PKN2: variants seen among roughly 807,000 people sequenced by gnomAD.
PKN2 encodes serine/threonine-protein kinase N2.
A neutral mutation model predicts 119.1 loss-of-function variants in PKN2; 38 were observed. The observed-to-expected ratio is 0.32, with a 90% confidence interval of 0.25 to 0.42. The LOEUF (loss-of-function observed/expected upper bound fraction) is 0.42. Among genes scored for constraint, PKN2 ranks in the 10% least tolerant of loss-of-function variants. The pLI, the probability that PKN2 is intolerant of heterozygous loss-of-function variation, is 1.00. For synonymous variants in PKN2, 390 were observed against 384.9 expected, an observed-to-expected ratio of 1.01 and a Z score of -0.15; for missense variants, 850 against 1,165.1, an observed-to-expected ratio of 0.73 and a Z score of 3.94.
chr1:88,806,920 G>T (rs1189289255), intron 12 of PKN2, among the ~76,000 whole-genome samples: 1 of 151,482 alleles, frequency 6.6e-6, no homozygotes, highest in African/African-American at 2.4e-5. Flanking sequence ...GTTTCTCCAT[G>T]TTGGTCAGGC....
At chr1:88,778,458 G>GTGT (rs1338505887) in intron 6 of PKN2, among the ~76,000 whole-genome samples, 3 of 152,212 alleles carry the variant, frequency 2.0e-5, no homozygotes. Flanking sequence ...AGAGCTTAGG[G>GTGT]TGTTCTCAGA....
At chr1:88,720,181 A>G (rs1667614656) in intron 1 of PKN2, among the ~76,000 whole-genome samples, 1 of 151,962 alleles carries the variant, frequency 6.6e-6, no homozygotes, top group African/African-American at 2.4e-5. Flanking sequence ...CTATAGGTGC[A>G]CGCTAATTTT....
chr1:88,729,523 C>T (rs1349689916), intron 1 of PKN2, among the ~76,000 whole-genome samples: 1 of 152,208 alleles, frequency 6.6e-6, no homozygotes, highest in Non-Finnish European at 1.5e-5. Context: ...TGTTCTCATA[C>T]ACATGGCCTC....
intron 8 of PKN2, among the ~76,000 whole-genome samples, chr1:88,796,769 T>C (rs1473653639): frequency 1.3e-5 from 2 of 152,226 alleles, no homozygotes; most frequent in Admixed American, 1.3e-4. Flanking sequence ...CTCCCAGAAT[T>C]TCCGTCTTCC....
chr1:88,762,786 C>T (rs753261963), intron 3 of PKN2, among the ~76,000 whole-genome samples: 17 of 151,960 alleles, frequency 1.1e-4, no homozygotes, highest in African/African-American at 2.7e-4. Context: ...AGTTTTAGTA[C>T]GATATTTGAA....
intron 2 of PKN2, among the ~76,000 whole-genome samples, chr1:88,747,275 C>T (rs147381693): frequency 0.014 from 2,196 of 151,944 alleles, 39 homozygotes; most frequent in Non-Finnish European, 0.02. Context: ...AATCCCACTG[C>T]GAAGAAATAA....
At chr1:88,688,605 C>T (rs1265939424) in intron 1 of PKN2, among the ~76,000 whole-genome samples, 1 of 152,168 alleles carries the variant, frequency 6.6e-6, no homozygotes, top group Non-Finnish European at 1.5e-5. Context: ...TAGATACAGT[C>T]TAATATTTCA....
chr1:88,792,934 A>G (rs979935869), intron 8 of PKN2, among the ~76,000 whole-genome samples: 2 of 152,230 alleles, frequency 1.3e-5, no homozygotes, highest in Non-Finnish European at 1.5e-5. Flanking sequence ...AATACCATGA[A>G]AAATATGCAA....
intron 1 of PKN2, among the ~76,000 whole-genome samples, chr1:88,715,426 T>C (rs1172679705): frequency 2.0e-5 from 3 of 152,196 alleles, no homozygotes; most frequent in Non-Finnish European, 4.4e-5. Flanking sequence ...AGACTATTAA[T>C]CATTTCCTCA....
intron 15 of PKN2, among the ~76,000 whole-genome samples, chr1:88,810,883 A>G (rs567719711): frequency 1.6e-4 from 24 of 152,230 alleles, no homozygotes; most frequent in Non-Finnish European, 3.1e-4. Flanking sequence ...CTGGGATTAC[A>G]GGCATGAGCC....
intron 15 of PKN2, among the ~76,000 whole-genome samples, chr1:88,808,629 TG>T (rs1368200307): frequency 6.6e-6 from 1 of 152,188 alleles, no homozygotes; most frequent in Non-Finnish European, 1.5e-5. Context: ...TGCAAGGATT[TG>T]GTGGGGGTTA....
intron 3 of PKN2, among the ~76,000 whole-genome samples, chr1:88,763,345 C>G (rs1275121793): frequency 6.6e-6 from 1 of 152,032 alleles, no homozygotes; most frequent in African/African-American, 2.4e-5. Context: ...TGGTGACTCA[C>G]GCCTGTAATC....
At chr1:88,722,219 TAA>T (rs35224826) in intron 1 of PKN2, among the ~76,000 whole-genome samples, 6,142 of 152,272 alleles carry the variant, frequency 0.04, 277 homozygotes, top group African/African-American at 0.1. Context: ...AAGTAATCAT[TAA>T]GAGGACAATT....
At chr1:88,720,407 C>T (rs924280631) in intron 1 of PKN2, among the ~76,000 whole-genome samples, 2 of 152,068 alleles carry the variant, frequency 1.3e-5, no homozygotes, top group African/African-American at 4.8e-5. Context: ...GAGTCTCTGC[C>T]TCTATTGGAG....
At chr1:88,811,911 C>T (rs897657224) in intron 15 of PKN2, among the ~76,000 whole-genome samples, 1 of 152,036 alleles carries the variant, frequency 6.6e-6, no homozygotes, top group African/African-American at 2.4e-5. Context: ...GTATTTAGAG[C>T]AAGATTTAGG....
chr1:88,829,005 T>C, intron 19 of PKN2: 1 of 641,256 alleles, frequency 1.6e-6, no homozygotes, highest in Non-Finnish European at 3.0e-6. Context: ...TTCGACTTCC[T>C]CCAGACTTCC....
chr1:88,700,987 C>A (rs1041765153), intron 1 of PKN2, among the ~76,000 whole-genome samples: 10 of 152,086 alleles, frequency 6.6e-5, no homozygotes, highest in African/African-American at 2.4e-4. Flanking sequence ...AATTTTATCA[C>A]CTTAAGTCAT....
chr1:88,786,361 T>G, intron 8 of PKN2, 148 bp downstream of exon 8: 2 of 543,610 alleles, frequency 3.7e-6, no homozygotes, highest in Non-Finnish European at 6.5e-6. Context: ...TTCAATGAGT[T>G]ATGCATAAAT....
At chr1:88,828,418 AT>A (rs922632086) in intron 18 of PKN2, 62 bp from the exon 19 acceptor site, 3,141 of 1,311,952 alleles carry the variant, frequency 2.4e-3, no homozygotes, top group Non-Finnish European at 2.7e-3. Context: ...GATAGCTTTG[AT>A]TTTTTTTTTA....
Sources: gnomAD v4.1 joint callset for allele counts (sites outside exome capture counted in the v4.1 genomes callset) on GRCh38, gnomAD v4.1.1 for gene constraint, MANE v1.5 for transcripts, NCBI Gene and HGNC (gene_info 2026-07-23, HGNC 2026-07-21) for gene names.